The following PHF14 variants were observed in gnomAD, a reference collection of about 807,000 sequenced individuals.
PHF14 encodes the protein PHD finger protein 14.
A neutral mutation model predicts 117.9 loss-of-function variants in PHF14; 55 were observed. That is an observed-to-expected ratio of 0.47 (90% CI 0.38 to 0.58). The LOEUF is 0.58. Among genes scored for constraint, PHF14 ranks in the 20% least tolerant of loss-of-function variants. The probability of loss-of-function intolerance (pLI) is 0.00; values close to 1 mark genes in which losing one functional copy is unlikely to be tolerated. For missense variants in PHF14, 978 were observed against 1,122.2 expected, an observed-to-expected ratio of 0.87 and a Z score of 1.84; for synonymous variants, 409 against 368.6, an observed-to-expected ratio of 1.11 and a Z score of -1.26.
chr7:11,063,645 T>TA (rs1785318010), intron 16 of PHF14: 1 of 973,826 alleles, frequency 1.0e-6, no homozygotes, highest in Non-Finnish European at 1.2e-6. Flanking sequence ...CTGTAGGACT[T>TA]AGAGGTTTTT....
intron 17 of PHF14, among the ~76,000 whole-genome samples, chr7:11,136,955 C>T (rs915959077): frequency 6.6e-6 from 1 of 152,076 alleles, no homozygotes; most frequent in Admixed American, 6.6e-5. Flanking sequence ...AAAAAATATT[C>T]AAGAAATAAC....
At chr7:11,000,630 C>T (rs1485296457) in intron 4 of PHF14, among the ~76,000 whole-genome samples, 1 of 152,160 alleles carries the variant, frequency 6.6e-6, no homozygotes, top group African/African-American at 2.4e-5. Context: ...TGAGCCACCA[C>T]ACCCACCCTT....
At chr7:10,991,420 C>A (rs1490822212) in intron 4 of PHF14, among the ~76,000 whole-genome samples, 1 of 152,088 alleles carries the variant, frequency 6.6e-6, no homozygotes, top group Admixed American at 6.6e-5. Flanking sequence ...TCGTGATCCA[C>A]CCGCCTTGGC....
chr7:11,021,034 C>T (rs1435308623), intron 5 of PHF14, among the ~76,000 whole-genome samples: 1 of 152,178 alleles, frequency 6.6e-6, no homozygotes, highest in African/African-American at 2.4e-5. Context: ...AAAGGCATTA[C>T]TGATACAGAG....
At chr7:11,045,922 A>C (rs892893820) in intron 13 of PHF14, among the ~76,000 whole-genome samples, 1 of 152,208 alleles carries the variant, frequency 6.6e-6, no homozygotes, top group African/African-American at 2.4e-5. Flanking sequence ...TTTAGTGCAT[A>C]AGTAAATGTG....
intron 7 of PHF14, among the ~76,000 whole-genome samples, chr7:11,033,925 A>G (rs371461794): frequency 7.9e-5 from 12 of 152,324 alleles, no homozygotes; most frequent in East Asian, 3.9e-4. Context: ...TTTTAAAGCT[A>G]TATGAAGTAA....
rs1782088246 is a variant in PHF14 at position 10,982,824 on chromosome 7, C to T, written c.565C>T (p.Arg189Ter). The change falls in exon 3 of 18, where the codon CGA (arginine) becomes TGA (stop). Residue 189 changes from arginine (R) to a stop codon, truncating the protein, a stop_gained. Transcript: ENST00000634607. LOFTEE classifies it high-confidence loss of function. ...AAAAAAATGGAACCTTCGACGAAAC[C>T]GACCACTTCTGGATTTTGTGTCCAT... ...EPKKWNLRRN[R>*]PLLDFVSMEE... 1 of 1,613,858 alleles carries T rather than the reference C, an allele frequency of 6.2e-7. No individual in the cohort carries two copies. Among genetic ancestry groups the T allele is most frequent in the Non-Finnish European group, 8.5e-7 (1 of 1,179,856 alleles).
At chr7:11,030,005 C>T (rs1409388232) in intron 7 of PHF14, among the ~76,000 whole-genome samples, 1 of 151,522 alleles carries the variant, frequency 6.6e-6, no homozygotes, top group Non-Finnish European at 1.5e-5. Context: ...ATAAACAGAT[C>T]TTATAGGAAT....
At chr7:11,156,116 CA>C (rs1378538378) in intron 17 of PHF14, among the ~76,000 whole-genome samples, 7 of 152,110 alleles carry the variant, frequency 4.6e-5, no homozygotes, top group African/African-American at 1.7e-4. Flanking sequence ...ATTATGGTAA[CA>C]GTTCAAAACA....
At chr7:10,981,243 A>C (rs1282108594) in intron 2 of PHF14, among the ~76,000 whole-genome samples, 1 of 152,130 alleles carries the variant, frequency 6.6e-6, no homozygotes, top group South Asian at 2.1e-4. Context: ...TTTTTCCACC[A>C]TTTTATCATT....
chr7:11,019,101 A>G (rs1193072492), intron 5 of PHF14, among the ~76,000 whole-genome samples: 1 of 152,214 alleles, frequency 6.6e-6, no homozygotes. Context: ...CTTGGTCATA[A>G]TGATCTTTCT....
chr7:11,144,770 A>C (rs2128352134), intron 17 of PHF14, among the ~76,000 whole-genome samples: 1 of 151,844 alleles, frequency 6.6e-6, no homozygotes, highest in East Asian at 1.9e-4. Context: ...GGGGGGAAGA[A>C]AAGGAAGGAA....
At chr7:11,023,363 G>T (rs1333975993) in intron 6 of PHF14, among the ~76,000 whole-genome samples, 1 of 152,162 alleles carries the variant, frequency 6.6e-6, no homozygotes, top group African/African-American at 2.4e-5. Flanking sequence ...AGTGATCTTT[G>T]ATGCTGTTAC....
chr7:11,137,271 C>G (rs997300740), intron 17 of PHF14, among the ~76,000 whole-genome samples: 1 of 152,112 alleles, frequency 6.6e-6, no homozygotes, highest in Non-Finnish European at 1.5e-5. Flanking sequence ...TGATCTTAAA[C>G]TTACTTTAGA....
At chr7:11,146,626 G>T (rs1401805773) in intron 17 of PHF14, among the ~76,000 whole-genome samples, 3 of 152,142 alleles carry the variant, frequency 2.0e-5, no homozygotes, top group Non-Finnish European at 4.4e-5. Context: ...TATGGTTGGG[G>T]ATATAGGGCA....
At chr7:11,033,782 G>C (rs1784212193) in intron 7 of PHF14, among the ~76,000 whole-genome samples, 1 of 151,998 alleles carries the variant, frequency 6.6e-6, no homozygotes, top group Non-Finnish European at 1.5e-5. Context: ...TCTAGATCTG[G>C]GTATTTGGGC....
At chr7:11,077,243 C>A (rs993423983) in intron 16 of PHF14, among the ~76,000 whole-genome samples, 2 of 150,892 alleles carry the variant, frequency 1.3e-5, no homozygotes, top group African/African-American at 2.4e-5. Flanking sequence ...AATATATAGG[C>A]ATAATTATGT....
At chr7:11,140,531 G>GT (rs1189887883) in intron 17 of PHF14, among the ~76,000 whole-genome samples, 1 of 151,964 alleles carries the variant, frequency 6.6e-6, no homozygotes, top group Non-Finnish European at 1.5e-5. Context: ...TTTGTGTAGG[G>GT]TTTTTTCAGG....
chr7:11,045,793 G>T (rs1583407296), intron 13 of PHF14, among the ~76,000 whole-genome samples: 1 of 152,202 alleles, frequency 6.6e-6, no homozygotes, highest in South Asian at 2.1e-4. Flanking sequence ...TGATATAGGA[G>T]TCTGTTGAGA....
Sources: allele counts gnomAD v4.1 joint callset (sites outside exome capture counted in the v4.1 genomes callset), GRCh38; gene constraint gnomAD v4.1.1; transcripts MANE v1.5; gene names NCBI Gene and HGNC (gene_info 2026-07-23, HGNC 2026-07-21).